The following CPNE4 variants were observed in gnomAD, a reference collection of about 807,000 sequenced individuals.
CPNE4 encodes copine-4.
In CPNE4, 25 loss-of-function variants were observed where a neutral mutation model predicts 67.9. The ratio of observed to expected loss-of-function variants is 0.37; its 90% CI spans 0.27 to 0.51. The LOEUF is 0.51. Among genes scored for constraint, CPNE4 ranks in the 20% least tolerant of loss-of-function variants. The probability of loss-of-function intolerance (pLI) is 0.93; values close to 1 mark genes in which losing one functional copy is unlikely to be tolerated. For missense variants in CPNE4, 464 were observed against 690.8 expected (o/e 0.67, Z 3.68); for synonymous variants, 242 against 244.9 (o/e 0.99, Z 0.11).
intron 6 of CPNE4, among the ~76,000 whole-genome samples, chr3:131,671,846 T>C (rs528105617): frequency 3.9e-5 from 6 of 152,314 alleles, no homozygotes; most frequent in African/African-American, 1.4e-4. Flanking sequence ...TTGGTTATTA[T>C]AAAATATGTA....
At chr3:131,682,694 T>A (rs1306010723) in intron 6 of CPNE4, among the ~76,000 whole-genome samples, 1 of 151,990 alleles carries the variant, frequency 6.6e-6, no homozygotes. Flanking sequence ...GATGGCAAAG[T>A]CAGCCAGGCT....
At chr3:131,716,634 C>A (rs1292670065) in intron 3 of CPNE4, among the ~76,000 whole-genome samples, 1 of 152,208 alleles carries the variant, frequency 6.6e-6, no homozygotes, top group Non-Finnish European at 1.5e-5. Flanking sequence ...CTCTTCCCAT[C>A]ATTTCCTAGA....
At chr3:131,957,099 T>C (rs1204435878) in intron 1 of CPNE4, among the ~76,000 whole-genome samples, 3 of 152,182 alleles carry the variant, frequency 2.0e-5, no homozygotes, top group Non-Finnish European at 2.9e-5. Flanking sequence ...TTAGGATGAA[T>C]TGGGATGCAA....
intron 1 of CPNE4, among the ~76,000 whole-genome samples, chr3:131,920,031 T>C: frequency 6.6e-6 from 1 of 152,186 alleles, no homozygotes; most frequent in East Asian, 1.9e-4. Context: ...TGTGAGTTGC[T>C]TAGGGATGTT....
At chr3:131,634,030 C>G (rs1489311312) in intron 7 of CPNE4, among the ~76,000 whole-genome samples, 1 of 152,002 alleles carries the variant, frequency 6.6e-6, no homozygotes, top group Non-Finnish European at 1.5e-5. Flanking sequence ...AATTGTGGAG[C>G]TAAAAAAATG....
In CPNE4 at chr3:131,837,569, A is replaced by AT. The variant is rs200420564; in HGVS notation, c.180+67694dup. On this transcript the variant is annotated intron_variant, in intron 2 of 15. Transcript: ENST00000429747. ...GACTATAAAGGGATAACACAGGGAG[A>AT]TTTTTTTTGGGGGGTGAGTGATAGA... Among the ~76,000 whole-genome samples, 621 of 151,958 alleles carry AT rather than the reference A, an allele frequency of 4.1e-3. 6 individuals are homozygous for AT. The highest frequency in any genetic ancestry group is 0.015 in the African/African-American group (608 of 41,484).
At chr3:131,953,006 T>C (rs2071814516) in intron 1 of CPNE4, among the ~76,000 whole-genome samples, 2 of 151,818 alleles carry the variant, frequency 1.3e-5, no homozygotes. Context: ...TTAAGGGCGG[T>C]GCAAGATGTG....
intron 1 of CPNE4, among the ~76,000 whole-genome samples, chr3:131,926,759 T>C (rs958736366): frequency 1.3e-5 from 2 of 152,174 alleles, no homozygotes; most frequent in African/African-American, 4.8e-5. Flanking sequence ...GAGTGAGAAA[T>C]GTTCCATTTC....
chr3:131,780,928 C>T (rs1321768761), intron 2 of CPNE4, among the ~76,000 whole-genome samples: 2 of 151,978 alleles, frequency 1.3e-5, no homozygotes, highest in Non-Finnish European at 1.5e-5. Context: ...GGAAACAGCA[C>T]CTAGAGCACA....
chr3:131,967,762 G>A (rs368237511), intron 1 of CPNE4, among the ~76,000 whole-genome samples: 13 of 152,096 alleles, frequency 8.5e-5, no homozygotes, highest in African/African-American at 2.9e-4. Context: ...AATCAATATC[G>A]TGAAAATGGC....
At chr3:131,914,336 CAG>C (rs2089099995) in intron 1 of CPNE4, among the ~76,000 whole-genome samples, 2 of 152,178 alleles carry the variant, frequency 1.3e-5, no homozygotes, top group Non-Finnish European at 2.9e-5. Flanking sequence ...ATTTACACCA[CAG>C]AACATCTTCC....
At chr3:131,669,493 A>G (rs1026548172) in intron 7 of CPNE4, among the ~76,000 whole-genome samples, 182 bp downstream of exon 7, 3 of 152,292 alleles carry the variant, frequency 2.0e-5, no homozygotes, top group Non-Finnish European at 2.9e-5. Context: ...GGGCTTTCAC[A>G]TAAGCTTCAA....
In CPNE4 at chr3:131,618,832, C is replaced by G. The variant is rs58392324; in HGVS notation, c.682-31250G>C. ...GACAGCATTGGCCCATGACTACCGG[C>G]TGACTGAACACCATAGAGTGGTTCA... On this transcript the variant is annotated intron_variant, in intron 7 of 15. Transcript: ENST00000429747. Among the ~76,000 whole-genome samples, 31 of 152,248 alleles carry G rather than the reference C, an allele frequency of 2.0e-4. No homozygotes were observed. The East Asian group carries it at 5.8e-3, about 28-fold the overall frequency.
At chr3:131,821,756 C>A (rs1338940751) in intron 2 of CPNE4, among the ~76,000 whole-genome samples, 1 of 152,186 alleles carries the variant, frequency 6.6e-6, no homozygotes, top group Non-Finnish European at 1.5e-5. Flanking sequence ...CTCATTTATT[C>A]TTATGCCCAC....
intron 3 of CPNE4, among the ~76,000 whole-genome samples, chr3:131,711,774 C>A (rs1168282719): frequency 1.3e-5 from 2 of 152,196 alleles, no homozygotes; most frequent in African/African-American, 2.4e-5. Context: ...TAAAACTATT[C>A]TCTTTCCCAA....
intron 1 of CPNE4, among the ~76,000 whole-genome samples, chr3:131,971,742 C>A (rs2107949507): frequency 6.6e-6 from 1 of 152,198 alleles, no homozygotes; most frequent in African/African-American, 2.4e-5. Flanking sequence ...AAGCAAAGAC[C>A]AACAGGAGAG....
chr3:131,910,158 G>T lies in CPNE4; in HGVS notation c.-1-4714C>A, dbSNP rs138109083. ...TTCCCTCTGCTCAGGGCCCTAAAAG[G>T]CTTACCTCCATTGACTGCCAGCACA... On this transcript the variant is annotated intron_variant, in intron 1 of 15. Transcript: ENST00000429747. Among the ~76,000 whole-genome samples, 321 of 152,166 alleles carry T rather than the reference G, an allele frequency of 2.1e-3. 4 individuals are homozygous for T. The highest frequency in any genetic ancestry group is 1.8e-3 in the Non-Finnish European group (120 of 67,994).
At chr3:131,633,232 T>C (rs554961399) in intron 7 of CPNE4, among the ~76,000 whole-genome samples, 2 of 152,350 alleles carry the variant, frequency 1.3e-5, no homozygotes, top group Admixed American at 1.3e-4. Flanking sequence ...TCTACCATCA[T>C]TTCTTGCCTG....
At chr3:131,886,903 C>T (rs542410813) in intron 2 of CPNE4, among the ~76,000 whole-genome samples, 1 of 152,298 alleles carries the variant, frequency 6.6e-6, no homozygotes, top group East Asian at 1.9e-4. Flanking sequence ...GGCTCATAGA[C>T]AGAAGGGACA....
Sources: allele counts gnomAD v4.1 joint callset (sites outside exome capture counted in the v4.1 genomes callset), GRCh38; gene constraint gnomAD v4.1.1; transcripts MANE v1.5; gene names NCBI Gene and HGNC (gene_info 2026-07-23, HGNC 2026-07-21).